The following TENM2 variants were observed in gnomAD, a reference collection of about 807,000 sequenced individuals.
The protein encoded by TENM2 is teneurin transmembrane protein 2, also known as teneurin-2.
Under a neutral mutation model 245.2 loss-of-function variants are expected in TENM2, and 52 were observed. That is an observed-to-expected ratio of 0.21 (90% CI 0.17 to 0.27). The LOEUF is 0.27. TENM2 is among the 10% of genes least tolerant of loss of function. The probability of loss-of-function intolerance (pLI) is 1.00; values close to 1 mark genes in which losing one functional copy is unlikely to be tolerated. For synonymous variants in TENM2, 1,363 were observed against 1,438.9 expected (o/e 0.95, Z 1.19); for missense variants, 3,046 against 3,666.8 (o/e 0.83, Z 4.37).
chr5:167,479,589 A>T (rs2127526433), intron 2 of TENM2, among the ~76,000 whole-genome samples: 1 of 152,372 alleles, frequency 6.6e-6, no homozygotes, highest in Admixed American at 6.5e-5. Flanking sequence ...CATCTTTAAA[A>T]AAAGCAGATT....
chr5:168,188,104 TA>T (rs1760634313), intron 13 of TENM2, among the ~76,000 whole-genome samples: 1 of 152,220 alleles, frequency 6.6e-6, no homozygotes, highest in African/African-American at 2.4e-5. Context: ...AGTAATGCAT[TA>T]AAATAATTGC....
chr5:167,375,221 C>G, exon 2 of TENM2: 1 of 1,551,688 alleles, frequency 6.4e-7, no homozygotes, highest in Non-Finnish European at 8.7e-7. Flanking sequence ...CCTTGCCGAA[C>G]TGGGCATCTG....
chr5:168,081,658 T>C (rs1193471130), intron 7 of TENM2, among the ~76,000 whole-genome samples: 1 of 152,218 alleles, frequency 6.6e-6, no homozygotes, highest in African/African-American at 2.4e-5. Flanking sequence ...TTTGCTTGTC[T>C]GTAAAGGATT....
At chr5:167,232,261 CAGAAT>C in the TENM2 span, among the ~76,000 whole-genome samples, 516 of 152,232 alleles carry the variant, frequency 3.4e-3, 2 homozygotes, top group Middle Eastern at 6.8e-3. Flanking sequence ...CTCCAGTCCC[CAGAAT>C]GATCGATTCA....
intron 2 of TENM2, among the ~76,000 whole-genome samples, chr5:167,464,016 C>T (rs1001013522): frequency 2.6e-5 from 4 of 152,080 alleles, no homozygotes; most frequent in African/African-American, 7.2e-5. Flanking sequence ...GGATGAAGAT[C>T]GCTGTGTATA....
chr5:167,110,767 A>G, the TENM2 span, among the ~76,000 whole-genome samples: 1 of 152,154 alleles, frequency 6.6e-6, no homozygotes, highest in Non-Finnish European at 1.5e-5. Context: ...ATAGTGTTTT[A>G]TTTCCTTATA....
At position 167,794,167 on chromosome 5, in the gene TENM2, C is replaced by T. The variant is rs144856434; in HGVS notation, c.503-81819C>T. On this transcript the variant is annotated intron_variant, in intron 2 of 28. Transcript: ENST00000518659. ...TGTCGCCCACCAGTCCACTCAGAACCCAGATAAAATCCAAAGCTGCCTCTA... is the reference window on the plus strand; with the variant it reads ...TGTCGCCCACCAGTCCACTCAGAACTCAGATAAAATCCAAAGCTGCCTCTA... Among the ~76,000 whole-genome samples the T allele has an allele frequency of 4.3e-4, 66 of 152,098 alleles. 1 individual carries two copies. The highest frequency in any genetic ancestry group is 3.4e-3 in the Middle Eastern group (1 of 294).
the TENM2 span, among the ~76,000 whole-genome samples, chr5:167,216,116 G>C: frequency 6.6e-6 from 1 of 152,146 alleles, no homozygotes; most frequent in African/African-American, 2.4e-5. Flanking sequence ...ACTAACAGAG[G>C]TTCAGTCGCT....
intron 2 of TENM2, among the ~76,000 whole-genome samples, chr5:167,522,457 T>C (rs1582280241): frequency 1.3e-5 from 2 of 152,218 alleles, no homozygotes; most frequent in South Asian, 4.1e-4. Flanking sequence ...TCTGCCTTAA[T>C]TATCTGTGTG....
At chr5:167,730,494 A>G (rs1760345416) in intron 2 of TENM2, among the ~76,000 whole-genome samples, 1 of 152,116 alleles carries the variant, frequency 6.6e-6, no homozygotes, top group African/African-American at 2.4e-5. Flanking sequence ...ATCATGTTTA[A>G]TTTCTAGGGC....
chr5:167,607,562 C>A (rs1461465250), intron 2 of TENM2, among the ~76,000 whole-genome samples: 3 of 152,200 alleles, frequency 2.0e-5, no homozygotes, highest in African/African-American at 7.2e-5. Flanking sequence ...CTCTACCTCA[C>A]CCATCAACTA....
intron 19 of TENM2, among the ~76,000 whole-genome samples, chr5:168,208,856 A>G (rs1455993093): frequency 2.0e-5 from 3 of 152,190 alleles, no homozygotes; most frequent in Non-Finnish European, 4.4e-5. Flanking sequence ...GAAATGAGAA[A>G]TGAAATGGAA....
intron 2 of TENM2, among the ~76,000 whole-genome samples, chr5:167,754,568 T>C (rs1721159709): frequency 6.6e-6 from 1 of 151,864 alleles, no homozygotes; most frequent in Non-Finnish European, 1.5e-5. Context: ...TACTTCTGCC[T>C]AAGTGGAAAT....
At chr5:167,245,263 C>G in the TENM2 span, among the ~76,000 whole-genome samples, 1 of 152,144 alleles carries the variant, frequency 6.6e-6, no homozygotes, top group East Asian at 1.9e-4. Context: ...GGCAAAGAAA[C>G]TGCCTCCCAG....
chr5:167,311,029 A>G (rs1159922808), intron 1 of TENM2, among the ~76,000 whole-genome samples: 1 of 152,184 alleles, frequency 6.6e-6, no homozygotes, highest in Non-Finnish European at 1.5e-5. Flanking sequence ...CAGTATTCAG[A>G]GCCTGTCCTC....
the TENM2 span, among the ~76,000 whole-genome samples, chr5:167,206,763 C>CGTGTTTTATT: frequency 6.6e-6 from 1 of 152,056 alleles, no homozygotes; most frequent in Non-Finnish European, 1.5e-5. Context: ...ATAAATGTCT[C>CGTGTTTTATT]CCATGTTTAT....
At chr5:168,083,135 T>C (rs1792147416) in intron 7 of TENM2, among the ~76,000 whole-genome samples, 1 of 152,200 alleles carries the variant, frequency 6.6e-6, no homozygotes, top group South Asian at 2.1e-4. Context: ...GTTTACCTGC[T>C]CAAGCCTCAG....
At chr5:167,171,742 TG>T in the TENM2 span, among the ~76,000 whole-genome samples, 1 of 152,166 alleles carries the variant, frequency 6.6e-6, no homozygotes, top group Non-Finnish European at 1.5e-5. Flanking sequence ...GAAGATCAAC[TG>T]AGAAGAAATA....
chr5:167,584,522 G>A (rs759777830), intron 2 of TENM2, among the ~76,000 whole-genome samples: 38 of 152,246 alleles, frequency 2.5e-4, no homozygotes, highest in Middle Eastern at 6.8e-3. Context: ...GTGAGGCATG[G>A]AAAGGGGAGT....
Sources: gnomAD v4.1 joint callset for allele counts (sites outside exome capture counted in the v4.1 genomes callset) on GRCh38, gnomAD v4.1.1 for gene constraint, MANE v1.5 for transcripts, NCBI Gene and HGNC (gene_info 2026-07-23, HGNC 2026-07-21) for gene names.